ZFR: variants seen among roughly 807,000 people sequenced by gnomAD.
ZFR encodes zinc finger RNA-binding protein.
In ZFR, 19 loss-of-function variants were observed where a neutral mutation model predicts 130.7. That is an observed-to-expected ratio of 0.15 (90% CI 0.10 to 0.21). The LOEUF is 0.21. ZFR is among the 10% of genes least tolerant of loss of function. ZFR has a pLI of 1.00. For missense variants in ZFR, 872 were observed against 1,321.5 expected (o/e 0.66, Z 5.27); for synonymous variants, 466 against 456.9 (o/e 1.02, Z -0.25).
At chr5:32,376,594 C>T (rs1374912446) in intron 17 of ZFR, among the ~76,000 whole-genome samples, 4 of 142,542 alleles carry the variant, frequency 2.8e-5, no homozygotes, top group African/African-American at 2.6e-5. Context: ...GGCGACAGAG[C>T]GAGACTCTGT....
At chr5:32,437,265 C>A (rs1210823310) in intron 2 of ZFR, among the ~76,000 whole-genome samples, 3 of 152,150 alleles carry the variant, frequency 2.0e-5, no homozygotes, top group Admixed American at 6.5e-5. Flanking sequence ...ACTCATCTGT[C>A]TCCACCCTCA....
intron 19 of ZFR, among the ~76,000 whole-genome samples, chr5:32,359,471 T>C (rs1752384095): frequency 6.6e-6 from 1 of 152,214 alleles, no homozygotes; most frequent in Non-Finnish European, 1.5e-5. Context: ...GGTTGTTTAC[T>C]TTCAGCCAGA....
At chr5:32,381,036 T>G (rs74455778) in intron 15 of ZFR, among the ~76,000 whole-genome samples, 2,545 of 152,176 alleles carry the variant, frequency 0.017, 37 homozygotes, top group Non-Finnish European at 0.026. Context: ...CTTTAAAATT[T>G]AAAGTTCCCA....
chr5:32,368,297 G>A (rs1752591046), intron 17 of ZFR, among the ~76,000 whole-genome samples: 2 of 152,156 alleles, frequency 1.3e-5, no homozygotes, highest in South Asian at 2.1e-4. Context: ...CTGCAATGGC[G>A]TGATCTCAGC....
At position 32,390,343 on chromosome 5, in the gene ZFR, C is replaced by T; in HGVS notation, c.2074G>A (p.Gly692Ser). Residue 692 changes from glycine (G) to serine (S), a missense_variant, in exon 12 of 20, where the codon GGT (glycine) becomes AGT (serine). Gly to Ser is a moderately conservative substitution (Grantham distance 56). Around this residue, in one of 7 missense-constraint regions of ZFR, gnomAD observed 225 missense variants for 282.4 expected, o/e 0.80. Coordinates refer to ENST00000265069, the MANE Select transcript of ZFR (RefSeq NM_016107.5). ...RRMPDGGYPH[G>S]PPGPLGLLGV... ...AGAAGGCCTAATGGGCCTGGAGGAC[C>T]ATGAGGATAACCTCCATCTGGCATT... 1 of 1,614,198 alleles carries T rather than the reference C, an allele frequency of 6.2e-7. No individual in the cohort carries two copies. Among genetic ancestry groups the T allele is most frequent in the South Asian group, 1.1e-5 (1 of 91,086 alleles).
chr5:32,368,957 G>C (rs564607549), intron 17 of ZFR, among the ~76,000 whole-genome samples: 13 of 128,244 alleles, frequency 1.0e-4, no homozygotes, highest in South Asian at 7.6e-4. Flanking sequence ...GATCACTATT[G>C]ACACATGCAC....
At chr5:32,421,839 G>A (rs1443990713) in intron 2 of ZFR, among the ~76,000 whole-genome samples, 1 of 152,030 alleles carries the variant, frequency 6.6e-6, no homozygotes, top group African/African-American at 2.4e-5. Context: ...CAATATGACA[G>A]GAAAAGTTTA....
At chr5:32,373,016 C>A (rs1041107161) in intron 17 of ZFR, among the ~76,000 whole-genome samples, 2 of 152,132 alleles carry the variant, frequency 1.3e-5, no homozygotes, top group African/African-American at 4.8e-5. Context: ...AAATAGCAGA[C>A]TACATTTTTC....
At chr5:32,387,872 A>G (rs1246618997) in intron 13 of ZFR, among the ~76,000 whole-genome samples, 173 bp from the exon 14 acceptor site, 1 of 148,548 alleles carries the variant, frequency 6.7e-6, no homozygotes, top group African/African-American at 2.5e-5. Context: ...CAATGTGGAT[A>G]AAAAAAAAAA....
intron 11 of ZFR, among the ~76,000 whole-genome samples, chr5:32,392,319 G>A (rs77045712): frequency 0.017 from 2,548 of 152,272 alleles, 37 homozygotes; most frequent in Non-Finnish European, 0.026. Context: ...GGAAAGCACT[G>A]TATAATCTAG....
At chr5:32,431,949 C>T (rs1023685167) in intron 2 of ZFR, among the ~76,000 whole-genome samples, 21 of 151,484 alleles carry the variant, frequency 1.4e-4, no homozygotes, top group African/African-American at 9.7e-5. Flanking sequence ...CTCAGCCTCC[C>T]GAGTAGCAGC....
intron 15 of ZFR, among the ~76,000 whole-genome samples, chr5:32,382,305 T>C (rs890124521): frequency 1.3e-5 from 2 of 151,914 alleles, no homozygotes; most frequent in South Asian, 2.1e-4. Context: ...AGTGACTGTC[T>C]CAAAAACAAA....
At chr5:32,373,443 G>C (rs1398148889) in intron 17 of ZFR, among the ~76,000 whole-genome samples, 1 of 152,156 alleles carries the variant, frequency 6.6e-6, no homozygotes, top group Non-Finnish European at 1.5e-5. Flanking sequence ...TTGGTTTAAA[G>C]ATAGTATGAA....
chr5:32,437,471 G>A (rs1003441105), intron 2 of ZFR, among the ~76,000 whole-genome samples: 4 of 152,020 alleles, frequency 2.6e-5, no homozygotes, highest in African/African-American at 7.3e-5. Context: ...AAGCTGTACT[G>A]TACATGGCTT....
intron 2 of ZFR, among the ~76,000 whole-genome samples, chr5:32,423,395 T>G (rs879846018): frequency 1.6e-4 from 24 of 146,958 alleles, no homozygotes; most frequent in Non-Finnish European, 3.1e-4. Flanking sequence ...AATCACCACA[T>G]GTCTGAAGAA....
Position 32,354,454 on chromosome 5 carries a change from ATTTT to A in ZFR, c.*1302_*1305del, listed in dbSNP as rs75624856. On this transcript the variant is annotated 3_prime_UTR_variant, in exon 20 of 20. Transcript: ENST00000265069. The stretch of plus-strand genomic sequence containing the variant: ...ACATTTAAGTCATTATATGAATTTC[ATTTT>A]TTGTGTATTTCACTGTAGTGCTGTG... 7 of 152,638 alleles carry A rather than the reference ATTTT, an allele frequency of 4.6e-5. No homozygotes were observed. Among genetic ancestry groups the A allele is most frequent in the African/African-American group, 1.4e-4 (6 of 41,464 alleles). The allele number at this position is 152,638 out of a possible 1,614,324, so 9.5% of individuals were successfully genotyped here. A position where few individuals can be genotyped will look rare whatever the true frequency, so the allele number is the denominator to read the frequency against.
chr5:32,366,895 T>G (rs967435542), intron 17 of ZFR, among the ~76,000 whole-genome samples: 1 of 151,592 alleles, frequency 6.6e-6, no homozygotes, highest in African/African-American at 2.4e-5. Flanking sequence ...TTTTTTTTTT[T>G]TTTACAGACA....
At chr5:32,356,128 C>T (rs538435060) in intron 19 of ZFR, among the ~76,000 whole-genome samples, 189 bp from the exon 20 acceptor site, 1 of 151,996 alleles carries the variant, frequency 6.6e-6, no homozygotes, top group African/African-American at 2.4e-5. Flanking sequence ...TTTCTGTGTG[C>T]ATGCCATTTT....
chr5:32,360,480 C>G lies in ZFR; in HGVS notation c.3045+3468G>C, dbSNP rs1351819460. Reference sequence around the variant, plus strand: ...TAGGATAAAGTTTTTAAGGTTCATTCACATCATAGCATGTGTCAGTACTTT... The same window carrying G: ...TAGGATAAAGTTTTTAAGGTTCATTGACATCATAGCATGTGTCAGTACTTT... On this transcript the variant is annotated intron_variant, in intron 19 of 19. Transcript: ENST00000265069. Among the ~76,000 whole-genome samples the G allele has an allele frequency of 2.6e-5, 4 of 152,158 alleles. No homozygotes were observed. In the East Asian group the frequency reaches 5.8e-4, roughly 22 times the overall value.
Sources: allele counts gnomAD v4.1 joint callset (sites outside exome capture counted in the v4.1 genomes callset), GRCh38; gene constraint gnomAD v4.1.1; regional missense constraint gnomAD v4.1.1; transcripts MANE v1.5; gene names NCBI Gene and HGNC (gene_info 2026-07-23, HGNC 2026-07-21).